ABCC4: variants seen among roughly 807,000 people sequenced by gnomAD.
The protein encoded by ABCC4 is ATP binding cassette subfamily C member 4 (PEL blood group), also known as ATP-binding cassette sub-family C member 4.
ABCC4 carries 102 observed loss-of-function variants against 168.5 expected under a neutral mutation model. The observed-to-expected ratio is 0.61, with a 90% confidence interval of 0.52 to 0.71. ABCC4 has a LOEUF of 0.71. Among genes scored for constraint, ABCC4 ranks in the 30% least tolerant of loss-of-function variants. ABCC4 has a pLI of 0.00. For missense variants in ABCC4, 1,402 were observed against 1,605.8 expected (o/e 0.87, Z 2.17); for synonymous variants, 617 against 590.7 (o/e 1.04, Z -0.65).
intron 4 of ABCC4, among the ~76,000 whole-genome samples, chr13:95,211,677 T>G (rs1289561840): frequency 6.6e-6 from 1 of 151,698 alleles, no homozygotes; most frequent in East Asian, 1.9e-4. Flanking sequence ...TGGAAGGCAA[T>G]ATGGAACAGT....
intron 13 of ABCC4, among the ~76,000 whole-genome samples, chr13:95,175,849 G>T (rs1451612543): frequency 6.6e-6 from 1 of 152,152 alleles, no homozygotes; most frequent in Non-Finnish European, 1.5e-5. Context: ...CGCTGTGGAA[G>T]CCCCCCAGCC....
chr13:95,142,025 T>C (rs1177762874), intron 19 of ABCC4, among the ~76,000 whole-genome samples: 1 of 152,222 alleles, frequency 6.6e-6, no homozygotes, highest in Non-Finnish European at 1.5e-5. Context: ...AGGAAGACAG[T>C]GTGGAGATTC....
Position 95,166,202 on chromosome 13 carries a change from ATTG to A in ABCC4, c.1987_1989del (p.Gln663del). 6.2e-7 allele frequency: 1 copy of A among 1,614,122 alleles called. No individual in the cohort carries two copies. Among genetic ancestry groups the A allele is most frequent in the Middle Eastern group, 1.7e-4 (1 of 6,060 alleles). ...CCATCTTTCAAGGAGGGTCTAGAAG[ATTG>A]TTGAGACCAAACCGAAGACTCTGAG... is the stretch of plus-strand genomic sequence containing the variant. On this transcript the variant is annotated inframe_deletion, in exon 15 of 31. Coordinates refer to ENST00000645237, the MANE Select transcript of ABCC4 (RefSeq NM_005845.5).
At chr13:95,096,525 C>T (rs1434588829) in intron 20 of ABCC4, among the ~76,000 whole-genome samples, 2 of 151,938 alleles carry the variant, frequency 1.3e-5, no homozygotes, top group Non-Finnish European at 1.5e-5. Flanking sequence ...AGTCAAACAG[C>T]AAAAACTCAA....
intron 20 of ABCC4, 149 bp from the exon 21 acceptor site, chr13:95,083,439 G>A: frequency 1.1e-6 from 1 of 878,712 alleles, no homozygotes; most frequent in Non-Finnish European, 1.7e-6. Context: ...AATAACAAAA[G>A]TATAGGTGGT....
chr13:95,034,876 T>C, intron 29 of ABCC4, 137 bp from the exon 30 acceptor site: 2 of 1,221,134 alleles, frequency 1.6e-6, no homozygotes, highest in Non-Finnish European at 2.3e-6. Flanking sequence ...ATTTAAATGG[T>C]TTGATTACCC....
chr13:95,176,907 C>A (rs1252075000), intron 13 of ABCC4, among the ~76,000 whole-genome samples: 1 of 152,224 alleles, frequency 6.6e-6, no homozygotes, highest in Non-Finnish European at 1.5e-5. Context: ...TCAGTCGGCA[C>A]ACATGAGTTT....
chr13:95,056,609 C>T (rs1422789696), intron 26 of ABCC4, among the ~76,000 whole-genome samples: 1 of 150,492 alleles, frequency 6.6e-6, no homozygotes, highest in African/African-American at 2.5e-5. Flanking sequence ...TAACTGCATA[C>T]CTACCTCTTT....
At chr13:95,201,987 C>T (rs1322911406) in intron 8 of ABCC4, among the ~76,000 whole-genome samples, 9 of 152,046 alleles carry the variant, frequency 5.9e-5, no homozygotes, top group East Asian at 3.9e-4. Context: ...AAAAAAAAGA[C>T]TGTGATGGTG....
At chr13:95,030,508 A>G (rs1189232852) in intron 30 of ABCC4, among the ~76,000 whole-genome samples, 1 of 152,194 alleles carries the variant, frequency 6.6e-6, no homozygotes, top group African/African-American at 2.4e-5. Context: ...CCCCAAGTAC[A>G]TCAGAATGTG....
At chr13:95,030,026 T>TCCATCCATCCAC (rs2031796476) in intron 30 of ABCC4, among the ~76,000 whole-genome samples, 1 of 151,296 alleles carries the variant, frequency 6.6e-6, no homozygotes, top group Non-Finnish European at 1.5e-5. Flanking sequence ...CATCCATCCA[T>TCCATCCATCCAC]CCATATTTTT....
At chr13:95,289,024 A>C (rs1340353775) in intron 1 of ABCC4, among the ~76,000 whole-genome samples, 2 of 152,114 alleles carry the variant, frequency 1.3e-5, no homozygotes, top group East Asian at 3.9e-4. Context: ...CCCTGCTACT[A>C]TTTAAAACAA....
chr13:95,271,644 C>A (rs2040849850), intron 1 of ABCC4, among the ~76,000 whole-genome samples: 1 of 152,204 alleles, frequency 6.6e-6, no homozygotes, highest in African/African-American at 2.4e-5. Context: ...TACCAAACCT[C>A]AAGGATACGT....
intron 3 of ABCC4, among the ~76,000 whole-genome samples, chr13:95,244,081 T>C (rs2040019272): frequency 6.6e-6 from 1 of 152,088 alleles, no homozygotes; most frequent in African/African-American, 2.4e-5. Flanking sequence ...AGGGAGCTCT[T>C]AGCATCTGAC....
At position 95,125,334 on chromosome 13, in the gene ABCC4, G is replaced by A. The variant is rs139212227; in HGVS notation, c.2456-9333C>T. 4.1e-3 allele frequency among the ~76,000 whole-genome samples: 631 copies of A among 152,310 alleles called. 4 individuals are homozygous for A. Among genetic ancestry groups the A allele is most frequent in the Middle Eastern group, 0.01 (3 of 294 alleles). ...ACAAATGACGATGGCCAAAGCAGCCGCTGACAGCCCAGGCCTCTTCTGATA... is the reference window on the plus strand; with the variant it reads ...ACAAATGACGATGGCCAAAGCAGCCACTGACAGCCCAGGCCTCTTCTGATA... On this transcript the variant is annotated intron_variant, in intron 19 of 30. Transcript: ENST00000645237.
chr13:95,244,630 A>G (rs868097210), intron 3 of ABCC4, among the ~76,000 whole-genome samples: 1,012 of 64,348 alleles, frequency 0.016, 24 homozygotes, highest in Non-Finnish European at 0.024. Context: ...AGAAAGAAAG[A>G]AAGAAAGAAA....
chr13:95,240,214 C>T (rs1014429162), intron 3 of ABCC4, among the ~76,000 whole-genome samples: 10 of 152,194 alleles, frequency 6.6e-5, no homozygotes, highest in Non-Finnish European at 1.2e-4. Context: ...CCTGGGAATC[C>T]GTGCAGGGCA....
chr13:95,193,838 A>C (rs1032989091), intron 9 of ABCC4, among the ~76,000 whole-genome samples: 1 of 152,254 alleles, frequency 6.6e-6, no homozygotes, highest in African/African-American at 2.4e-5. Context: ...CGAACGCCTC[A>C]TGGCATGATC....
At chr13:95,297,936 C>T (rs1251171004) in intron 1 of ABCC4, among the ~76,000 whole-genome samples, 3 of 151,922 alleles carry the variant, frequency 2.0e-5, no homozygotes, top group Admixed American at 6.6e-5. Flanking sequence ...AAAAGGACTC[C>T]GCATTCCTCA....
Sources: allele counts gnomAD v4.1 joint callset (sites outside exome capture counted in the v4.1 genomes callset), GRCh38; gene constraint gnomAD v4.1.1; transcripts MANE v1.5; gene names NCBI Gene and HGNC (gene_info 2026-07-23, HGNC 2026-07-21).